The following CNTNAP2 variants were observed in gnomAD, a reference collection of about 807,000 sequenced individuals.
The protein encoded by CNTNAP2 is contactin associated protein 2, also known as contactin-associated protein-like 2.
CNTNAP2 carries 98 observed loss-of-function variants against 155.2 expected under a neutral mutation model. That is an observed-to-expected ratio of 0.63 (90% CI 0.54 to 0.75). The LOEUF is 0.75. CNTNAP2 is among the 30% of genes least tolerant of loss of function. CNTNAP2 has a pLI of 0.00. For synonymous variants in CNTNAP2, 651 were observed against 631.2 expected (o/e 1.03, Z -0.47); for missense variants, 1,727 against 1,688.1 (o/e 1.02, Z -0.40).
At chr7:146,211,314 T>A (rs1799031384) in intron 1 of CNTNAP2, among the ~76,000 whole-genome samples, 3 of 152,200 alleles carry the variant, frequency 2.0e-5, no homozygotes, top group Admixed American at 2.0e-4. Context: ...GAAAGAGGTG[T>A]AATTTTGTAG....
intron 13 of CNTNAP2, chr7:147,894,100 A>G (rs1563126462): frequency 2.0e-5 from 3 of 152,232 alleles, no homozygotes; most frequent in Middle Eastern, 3.2e-3. Flanking sequence ...GGAGATTATT[A>G]TAAAAGCTTT....
At chr7:146,790,662 C>T (rs1406886636) in intron 2 of CNTNAP2, among the ~76,000 whole-genome samples, 19 of 151,960 alleles carry the variant, frequency 1.3e-4, no homozygotes, top group Middle Eastern at 3.4e-3. Context: ...CTCCGCCTCC[C>T]GGGTTCACGC....
intron 12 of CNTNAP2, among the ~76,000 whole-genome samples, chr7:147,613,736 G>A (rs1257798760): frequency 6.6e-6 from 1 of 152,110 alleles, no homozygotes; most frequent in East Asian, 1.9e-4. Context: ...CCAGCTACTT[G>A]GGAGGCAGAG....
At chr7:146,628,913 C>T (rs981669546) in intron 1 of CNTNAP2, among the ~76,000 whole-genome samples, 3 of 152,132 alleles carry the variant, frequency 2.0e-5, no homozygotes, top group African/African-American at 7.2e-5. Context: ...AAATAACCTA[C>T]TGCACACTCT....
intron 2 of CNTNAP2, among the ~76,000 whole-genome samples, chr7:146,825,582 T>G (rs1803384614): frequency 6.6e-6 from 1 of 152,164 alleles, no homozygotes. Flanking sequence ...CTAAAGCAGA[T>G]AAAGTCTTTA....
intron 12 of CNTNAP2, among the ~76,000 whole-genome samples, chr7:147,570,848 T>C (rs1263420798): frequency 6.6e-6 from 1 of 152,206 alleles, no homozygotes; most frequent in African/African-American, 2.4e-5. Flanking sequence ...AGTTCACACA[T>C]ATATAGGAAC....
intron 1 of CNTNAP2, among the ~76,000 whole-genome samples, chr7:146,764,967 GAAAGA>G (rs1802169748): frequency 6.6e-6 from 1 of 151,970 alleles, no homozygotes. Flanking sequence ...TGCATATTGG[GAAAGA>G]AAAGAAGTTC....
At chr7:146,245,019 T>C (rs1799622554) in intron 1 of CNTNAP2, among the ~76,000 whole-genome samples, 1 of 152,096 alleles carries the variant, frequency 6.6e-6, no homozygotes, top group African/African-American at 2.4e-5. Flanking sequence ...TCCTTGAGGA[T>C]AGATTTCCAT....
intron 18 of CNTNAP2, among the ~76,000 whole-genome samples, chr7:148,187,695 G>A (rs770311431): frequency 7.9e-5 from 12 of 152,052 alleles, no homozygotes; most frequent in East Asian, 3.9e-4. Context: ...ATGAGCTTCC[G>A]GCCGCTCAAG....
chr7:148,252,771 G>T (rs1045076055), intron 20 of CNTNAP2, among the ~76,000 whole-genome samples: 1 of 152,054 alleles, frequency 6.6e-6, no homozygotes, highest in East Asian at 1.9e-4. Flanking sequence ...CCTGATTCAT[G>T]CTCCCTGGCT....
intron 3 of CNTNAP2, among the ~76,000 whole-genome samples, chr7:146,985,207 G>A (rs1055357404): frequency 1.1e-4 from 17 of 151,826 alleles, no homozygotes; most frequent in African/African-American, 3.9e-4. Context: ...GGACATTGAC[G>A]TGAAACTCCA....
chr7:148,225,586 G>T (rs1292875037), intron 19 of CNTNAP2, among the ~76,000 whole-genome samples: 2 of 152,174 alleles, frequency 1.3e-5, no homozygotes, highest in Non-Finnish European at 2.9e-5. Context: ...GAGTTACTGG[G>T]ATTTTGAGCA....
At chr7:146,577,812 T>C (rs1798547900) in intron 1 of CNTNAP2, among the ~76,000 whole-genome samples, 1 of 152,108 alleles carries the variant, frequency 6.6e-6, no homozygotes, top group African/African-American at 2.4e-5. Context: ...TGATGGCTTT[T>C]GAAAAGTGAA....
intron 3 of CNTNAP2, among the ~76,000 whole-genome samples, chr7:146,867,596 T>C (rs568607575): frequency 6.6e-6 from 1 of 152,202 alleles, no homozygotes; most frequent in East Asian, 1.9e-4. Context: ...GGAATCATCA[T>C]GCTGCTTTCC....
intron 1 of CNTNAP2, among the ~76,000 whole-genome samples, chr7:146,337,074 A>C (rs1801289022): frequency 6.6e-6 from 1 of 152,236 alleles, no homozygotes; most frequent in African/African-American, 2.4e-5. Context: ...TGGTTTAAAT[A>C]GTGTGCTATA....
intron 9 of CNTNAP2, among the ~76,000 whole-genome samples, chr7:147,316,663 TATAA>T (rs1387224511): frequency 6.6e-6 from 1 of 152,166 alleles, no homozygotes; most frequent in African/African-American, 2.4e-5. Context: ...TTTGAAAGAA[TATAA>T]ATAATGGTAA....
chr7:147,747,740 C>T (rs531496526), intron 13 of CNTNAP2, among the ~76,000 whole-genome samples: 4 of 152,306 alleles, frequency 2.6e-5, no homozygotes, highest in African/African-American at 9.6e-5. Context: ...TCCCCTTGCC[C>T]ATATCCCCAT....
At chr7:148,248,230 G>A (rs1216039334) in intron 20 of CNTNAP2, among the ~76,000 whole-genome samples, 6 of 149,528 alleles carry the variant, frequency 4.0e-5, no homozygotes, top group South Asian at 2.1e-4. Flanking sequence ...ACAGAGTCCC[G>A]CCCTGTCATC....
chr7:146,566,590 G>C (rs1226340838), intron 1 of CNTNAP2, among the ~76,000 whole-genome samples: 5 of 152,024 alleles, frequency 3.3e-5, no homozygotes, highest in Admixed American at 2.6e-4. Context: ...CCAGCTACTG[G>C]GGAGGCTGAG....
Sources: gnomAD v4.1 joint callset for allele counts (sites outside exome capture counted in the v4.1 genomes callset) on GRCh38, gnomAD v4.1.1 for gene constraint, MANE v1.5 for transcripts, NCBI Gene and HGNC (gene_info 2026-07-23, HGNC 2026-07-21) for gene names.